The following GTF2I variants were observed in gnomAD, a reference collection of about 807,000 sequenced individuals.
GTF2I encodes general transcription factor II-I.
In GTF2I, 12 loss-of-function variants were observed where a neutral mutation model predicts 67.6. That is an observed-to-expected ratio of 0.18 (90% CI 0.11 to 0.29). The LOEUF is 0.29. Ranked by LOEUF, GTF2I falls within the 10% of genes least tolerant of loss-of-function variation. The pLI, the probability that GTF2I is intolerant of heterozygous loss-of-function variation, is 1.00. For missense variants in GTF2I, 271 were observed against 580.1 expected (o/e 0.47, Z 5.47); for synonymous variants, 149 against 197.0 (o/e 0.76, Z 2.04).
chr7:74,675,901 G>A (rs1184295643), intron 1 of GTF2I, among the ~76,000 whole-genome samples: 3 of 151,906 alleles, frequency 2.0e-5, no homozygotes, highest in Admixed American at 1.3e-4. Context: ...TCCCAGCTAC[G>A]CAGGAGGCTG....
At chr7:74,708,743 G>A (rs1791114946) in intron 8 of GTF2I, among the ~76,000 whole-genome samples, 1 of 152,160 alleles carries the variant, frequency 6.6e-6, no homozygotes, top group Non-Finnish European at 1.5e-5. Context: ...AAACCCAGAG[G>A]ATGGGTTTGC....
At chr7:74,721,260 C>T (rs1039184838) in intron 12 of GTF2I, among the ~76,000 whole-genome samples, 2 of 152,154 alleles carry the variant, frequency 1.3e-5, no homozygotes, top group African/African-American at 2.4e-5. Flanking sequence ...AGGCTGGTCT[C>T]GAACTCCTGA....
chr7:74,687,319 G>A (rs891787208), intron 1 of GTF2I, among the ~76,000 whole-genome samples: 3 of 152,054 alleles, frequency 2.0e-5, no homozygotes, highest in Admixed American at 2.0e-4. Flanking sequence ...CCGCCTCCTG[G>A]GCTCAAGCGA....
chr7:74,689,682 T>C (rs375682675), intron 2 of GTF2I, among the ~76,000 whole-genome samples: 1 of 151,684 alleles, frequency 6.6e-6, no homozygotes, highest in South Asian at 2.1e-4. Context: ...TGAATAGTTA[T>C]GGGTTTAAGC....
intron 1 of GTF2I, among the ~76,000 whole-genome samples, chr7:74,671,768 G>A (rs1223013282): frequency 1.3e-5 from 2 of 152,010 alleles, no homozygotes; most frequent in Admixed American, 6.6e-5. Context: ...GACTGCTTGA[G>A]CACGGGAGTT....
chr7:74,658,459 G>A (rs1804137950), intron 1 of GTF2I, among the ~76,000 whole-genome samples: 1 of 146,096 alleles, frequency 6.8e-6, no homozygotes, highest in South Asian at 2.1e-4. Context: ...CGAGCGAGCG[G>A]CCCTGCGGGC....
intron 1 of GTF2I, among the ~76,000 whole-genome samples, chr7:74,682,315 A>G (rs1554394333): frequency 2.6e-5 from 4 of 152,228 alleles, no homozygotes; most frequent in Non-Finnish European, 5.9e-5. Flanking sequence ...GTAAAATTAT[A>G]AAACAAAACT....
chr7:74,723,044 A>G (rs1432504392), intron 12 of GTF2I, among the ~76,000 whole-genome samples: 2 of 152,126 alleles, frequency 1.3e-5, no homozygotes, highest in East Asian at 3.8e-4. Flanking sequence ...TGCAGCATAT[A>G]ATTAGGGACT....
At chr7:74,731,232 A>G (rs1794451709) in intron 14 of GTF2I, among the ~76,000 whole-genome samples, 1 of 143,806 alleles carries the variant, frequency 7.0e-6, no homozygotes, top group Non-Finnish European at 1.5e-5. Flanking sequence ...TTGGATGACT[A>G]TTTACTTTGC....
chr7:74,689,554 C>T (rs1788071701), intron 2 of GTF2I, among the ~76,000 whole-genome samples: 1 of 151,500 alleles, frequency 6.6e-6, no homozygotes, highest in Admixed American at 6.6e-5. Context: ...CAGGGTTTGA[C>T]CATCTTGGCC....
chr7:74,674,252 A>G (rs1346441893), intron 1 of GTF2I, among the ~76,000 whole-genome samples: 1 of 151,830 alleles, frequency 6.6e-6, no homozygotes, highest in Non-Finnish European at 1.5e-5. Context: ...TTTTTGGTAG[A>G]GAAGGGATCT....
At chr7:74,716,705 T>G (rs1554403691) in intron 10 of GTF2I, 189 bp from the exon 11 acceptor site, 1 of 495,914 alleles carries the variant, frequency 2.0e-6, no homozygotes, top group Non-Finnish European at 3.6e-6. Flanking sequence ...TTTTTTTAGC[T>G]TCCAAATAGA....
intron 3 of GTF2I, among the ~76,000 whole-genome samples, chr7:74,698,025 C>T (rs1052184344): frequency 3.9e-5 from 6 of 152,014 alleles, no homozygotes; most frequent in East Asian, 3.9e-4. Context: ...GCGCAATTTC[C>T]GCTCGCTGCA....
At chr7:74,688,992 C>A (rs926826408) in intron 1 of GTF2I, 132 bp from the exon 2 acceptor site, 127 of 640,978 alleles carry the variant, frequency 2.0e-4, no homozygotes, top group Admixed American at 5.2e-4. Flanking sequence ...TACTTAGTTT[C>A]TGAGCCTTAT....
chr7:74,696,313 G>C (rs1554398335), intron 3 of GTF2I, among the ~76,000 whole-genome samples: 1 of 151,092 alleles, frequency 6.6e-6, no homozygotes, highest in Non-Finnish European at 1.5e-5. Flanking sequence ...ATGGAGAATG[G>C]TTTCTGTATC....
At chr7:74,696,596 C>A (rs1351149254) in intron 3 of GTF2I, among the ~76,000 whole-genome samples, 2 of 151,884 alleles carry the variant, frequency 1.3e-5, no homozygotes, top group African/African-American at 4.8e-5. Context: ...GGGTTCACGC[C>A]ATTCTTCTGC....
In GTF2I at chr7:74,690,957, GC is replaced by G. The variant is rs782047446; in HGVS notation, c.100-15del. ...AACGTCCGCCTGTAACATGATGTTT[GC>G]TGTTTGTATTGTAGTGTAAAGAACT... On this transcript the variant is annotated splice_polypyrimidine_tract_variant and intron_variant, in intron 2 of 34. Coordinates refer to ENST00000573035, the MANE Select transcript of GTF2I (RefSeq NM_032999.4). The G allele has an allele frequency of 6.9e-6, 11 of 1,603,578 alleles. 1 individual carries two copies. In the South Asian group the frequency reaches 1.1e-4, roughly 17 times the overall value.
chr7:74,731,616 C>T (rs1794489037), intron 14 of GTF2I, among the ~76,000 whole-genome samples: 1 of 150,236 alleles, frequency 6.7e-6, no homozygotes, highest in Non-Finnish European at 1.5e-5. Flanking sequence ...ACGATCTTGG[C>T]TCACTGTAAC....
intron 1 of GTF2I, among the ~76,000 whole-genome samples, chr7:74,685,458 T>C (rs942038411): frequency 4.6e-5 from 7 of 150,546 alleles, no homozygotes; most frequent in African/African-American, 1.7e-4. Flanking sequence ...GATAGCGCCA[T>C]TGCACTTCAG....
Sources: allele counts gnomAD v4.1 joint callset (sites outside exome capture counted in the v4.1 genomes callset), GRCh38; gene constraint gnomAD v4.1.1; transcripts MANE v1.5; gene names NCBI Gene and HGNC (gene_info 2026-07-23, HGNC 2026-07-21).